The following MAPKAP1 variants were observed in gnomAD, a reference collection of about 807,000 sequenced individuals.
MAPKAP1 encodes target of rapamycin complex 2 subunit MAPKAP1.
In MAPKAP1, 20 loss-of-function variants were observed where a neutral mutation model predicts 65.7. The observed-to-expected ratio is 0.30, with a 90% CI of 0.21 to 0.44. The LOEUF is 0.44. Ranked by LOEUF, MAPKAP1 falls within the 20% of genes least tolerant of loss-of-function variation. The pLI, the probability that MAPKAP1 is intolerant of heterozygous loss-of-function variation, is 1.00. For missense variants in MAPKAP1, 423 were observed against 648.0 expected (o/e 0.65, Z 3.77); for synonymous variants, 222 against 244.3 (o/e 0.91, Z 0.85).
At chr9:125,511,549 G>A (rs545383513) in intron 7 of MAPKAP1, among the ~76,000 whole-genome samples, 4 of 152,244 alleles carry the variant, frequency 2.6e-5, no homozygotes, top group Admixed American at 2.0e-4. Flanking sequence ...TGAAGATTAT[G>A]ATAACCCAGA....
chr9:125,454,525 TA>T (rs1853090898), intron 10 of MAPKAP1, among the ~76,000 whole-genome samples: 1 of 152,092 alleles, frequency 6.6e-6, no homozygotes, highest in Admixed American at 6.5e-5. Context: ...TGCATTAGAG[TA>T]TAAGGAAAAG....
rs915408970 is a variant in MAPKAP1, at chr9:125,466,326, C to T, written c.1345+1646G>A. Among the ~76,000 whole-genome samples, 28 of 152,058 alleles carry T rather than the reference C, an allele frequency of 1.8e-4. 1 individual carries two copies. Among genetic ancestry groups the T allele is most frequent in the East Asian group, 1.9e-4 (1 of 5,172 alleles). ...TGAGATGCTAGAGTTCTGAGGAACA[C>T]GGTTTAAAAAGCACTGCCATAGGGG... On this transcript the variant is annotated intron_variant, in intron 10 of 11. Transcript: ENST00000265960.
intron 8 of MAPKAP1, 113 bp downstream of exon 8, chr9:125,506,197 C>T (rs1589243646): frequency 1.2e-6 from 1 of 858,778 alleles, no homozygotes. Flanking sequence ...CCTTGGAAAA[C>T]AGTCACTTCA....
intron 5 of MAPKAP1, among the ~76,000 whole-genome samples, chr9:125,561,624 G>C (rs1341581051): frequency 6.6e-6 from 1 of 152,212 alleles, no homozygotes; most frequent in Non-Finnish European, 1.5e-5. Context: ...TACTGGCTAA[G>C]AGAGCTCTGT....
chr9:125,631,069 C>T (rs1298756471), intron 4 of MAPKAP1, among the ~76,000 whole-genome samples: 1 of 151,702 alleles, frequency 6.6e-6, no homozygotes, highest in Non-Finnish European at 1.5e-5. Context: ...TGCACTCCAG[C>T]CTAGGTGATA....
intron 4 of MAPKAP1, among the ~76,000 whole-genome samples, chr9:125,604,414 TCAC>T (rs566776411): frequency 3.9e-4 from 59 of 152,326 alleles, no homozygotes; most frequent in African/African-American, 1.4e-3. Context: ...ATTGTAATCA[TCAC>T]CACCACATCA....
chr9:125,627,814 G>A (rs921691000), intron 4 of MAPKAP1, among the ~76,000 whole-genome samples: 1 of 152,144 alleles, frequency 6.6e-6, no homozygotes, highest in South Asian at 2.1e-4. Context: ...AAAGCATTCA[G>A]GTAAGAATTC....
chr9:125,500,090 A>G (rs528682226), intron 8 of MAPKAP1, among the ~76,000 whole-genome samples: 82 of 152,374 alleles, frequency 5.4e-4, no homozygotes, highest in Non-Finnish European at 9.8e-4. Flanking sequence ...ATGAGTATTA[A>G]TGTGGAAGAA....
At chr9:125,616,012 G>C (rs908184829) in intron 4 of MAPKAP1, among the ~76,000 whole-genome samples, 4 of 151,558 alleles carry the variant, frequency 2.6e-5, no homozygotes, top group African/African-American at 9.7e-5. Flanking sequence ...AATTAAAATA[G>C]TGTGATATTA....
intron 7 of MAPKAP1, among the ~76,000 whole-genome samples, chr9:125,507,823 T>C (rs974477490): frequency 6.6e-6 from 1 of 152,224 alleles, no homozygotes; most frequent in Non-Finnish European, 1.5e-5. Flanking sequence ...CAAAAAGGTA[T>C]TGTGTTTTAA....
intron 10 of MAPKAP1, among the ~76,000 whole-genome samples, chr9:125,461,781 C>A (rs946441970): frequency 6.6e-6 from 1 of 152,140 alleles, no homozygotes; most frequent in Non-Finnish European, 1.5e-5. Flanking sequence ...CACAACATAA[C>A]GTGTCCACCT....
intron 4 of MAPKAP1, among the ~76,000 whole-genome samples, chr9:125,612,677 T>G (rs1400399537): frequency 6.6e-6 from 1 of 152,170 alleles, no homozygotes; most frequent in African/African-American, 2.4e-5. Flanking sequence ...GCTCTATCAA[T>G]TAAGAGATCC....
chr9:125,630,374 C>T (rs1833246253), intron 4 of MAPKAP1, among the ~76,000 whole-genome samples: 1 of 152,028 alleles, frequency 6.6e-6, no homozygotes, highest in Admixed American at 6.5e-5. Context: ...TCAAGTGATT[C>T]CCCAGTCTCA....
intron 9 of MAPKAP1, among the ~76,000 whole-genome samples, chr9:125,477,388 A>G (rs991303384): frequency 4.6e-5 from 7 of 152,210 alleles, no homozygotes; most frequent in African/African-American, 1.7e-4. Context: ...CCCAGTCAGT[A>G]AAAACAAGCT....
At chr9:125,510,688 C>T (rs1481362171) in intron 7 of MAPKAP1, among the ~76,000 whole-genome samples, 1 of 152,216 alleles carries the variant, frequency 6.6e-6, no homozygotes, top group Non-Finnish European at 1.5e-5. Flanking sequence ...CAATGGGTAA[C>T]AACCTGGGGG....
At chr9:125,587,433 G>A (rs1831821973) in intron 4 of MAPKAP1, among the ~76,000 whole-genome samples, 1 of 152,152 alleles carries the variant, frequency 6.6e-6, no homozygotes, top group African/African-American at 2.4e-5. Context: ...GGGCGTGATG[G>A]CAGGCGCCTG....
At chr9:125,540,829 T>C (rs896953450) in intron 7 of MAPKAP1, among the ~76,000 whole-genome samples, 7 of 152,222 alleles carry the variant, frequency 4.6e-5, no homozygotes, top group African/African-American at 1.7e-4. Flanking sequence ...GTACTTTCTA[T>C]GTGTTACTTT....
At chr9:125,549,521 A>T (rs533563664) in intron 6 of MAPKAP1, among the ~76,000 whole-genome samples, 7 of 152,284 alleles carry the variant, frequency 4.6e-5, no homozygotes, top group Admixed American at 6.5e-5. Context: ...CTGACCAAAA[A>T]TTTTTTTTAA....
At chr9:125,522,157 G>C (rs1829636570) in intron 7 of MAPKAP1, among the ~76,000 whole-genome samples, 1 of 152,220 alleles carries the variant, frequency 6.6e-6, no homozygotes, top group African/African-American at 2.4e-5. Flanking sequence ...GGCCTCTTTA[G>C]GGACTTCTAC....
Sources: gnomAD v4.1 joint callset for allele counts (sites outside exome capture counted in the v4.1 genomes callset) on GRCh38, gnomAD v4.1.1 for gene constraint, MANE v1.5 for transcripts, NCBI Gene and HGNC (gene_info 2026-07-23, HGNC 2026-07-21) for gene names.